ZMYM2: variants seen among roughly 807,000 people sequenced by gnomAD.
ZMYM2 encodes zinc finger MYM-type protein 2.
A neutral mutation model predicts 162.8 loss-of-function variants in ZMYM2; 56 were observed. The observed-to-expected ratio is 0.34, with a 90% confidence interval of 0.28 to 0.43. ZMYM2 has a LOEUF of 0.43. Among genes scored for constraint, ZMYM2 ranks in the 20% least tolerant of loss-of-function variants. The pLI, the probability that ZMYM2 is intolerant of heterozygous loss-of-function variation, is 1.00. For synonymous variants in ZMYM2, 510 were observed against 541.6 expected (o/e 0.94, Z 0.81); for missense variants, 1,275 against 1,621.8 (o/e 0.79, Z 3.67).
intron 2 of ZMYM2, among the ~76,000 whole-genome samples, chr13:19,972,541 G>A (rs1255988322): frequency 6.6e-6 from 1 of 151,724 alleles, no homozygotes; most frequent in Non-Finnish European, 1.5e-5. Flanking sequence ...TTTAACTGTC[G>A]TGAAGTATTT....
the ZMYM2 span, among the ~76,000 whole-genome samples, chr13:19,941,294 C>T: frequency 3.7e-4 from 53 of 143,110 alleles, no homozygotes; most frequent in East Asian, 6.1e-3. Flanking sequence ...GGTGACAGAG[C>T]GGAAAACAGA....
intron 7 of ZMYM2, among the ~76,000 whole-genome samples, chr13:20,023,980 GC>G (rs1417027660): frequency 4.6e-5 from 7 of 151,356 alleles, no homozygotes; most frequent in Admixed American, 4.6e-4. Context: ...TGTTGCCCAG[GC>G]TGGAGTGTAG....
the ZMYM2 span, among the ~76,000 whole-genome samples, chr13:19,933,926 C>T: frequency 2.6e-5 from 4 of 152,164 alleles, no homozygotes; most frequent in African/African-American, 9.7e-5. Flanking sequence ...ATCACAGTAT[C>T]CACTATACTG....
chr13:20,046,855 A>T (rs1489003028), intron 12 of ZMYM2, among the ~76,000 whole-genome samples: 1 of 151,914 alleles, frequency 6.6e-6, no homozygotes, highest in African/African-American at 2.4e-5. Flanking sequence ...GTTTTCATTT[A>T]TGCAGAATTC....
intron 4 of ZMYM2, among the ~76,000 whole-genome samples, chr13:20,004,263 GT>G (rs548813563): frequency 6.6e-6 from 1 of 150,776 alleles, no homozygotes; most frequent in Non-Finnish European, 1.5e-5. Flanking sequence ...GTTTTGTTTT[GT>G]TTTTTTTTGA....
intron 3 of ZMYM2, among the ~76,000 whole-genome samples, chr13:20,002,055 A>G (rs906922965): frequency 3.9e-5 from 6 of 152,154 alleles, no homozygotes; most frequent in African/African-American, 1.4e-4. Flanking sequence ...ACATTGGTTT[A>G]ATTCCATCAT....
At chr13:19,876,217 A>C in the ZMYM2 span, among the ~76,000 whole-genome samples, 1 of 151,832 alleles carries the variant, frequency 6.6e-6, no homozygotes, top group African/African-American at 2.4e-5. Flanking sequence ...AGTGGAGACG[A>C]GGTTTCACCA....
chr13:20,037,599 T>C (rs965305095), intron 12 of ZMYM2, among the ~76,000 whole-genome samples: 5 of 152,212 alleles, frequency 3.3e-5, no homozygotes, highest in African/African-American at 9.7e-5. Flanking sequence ...TTTAAAAACA[T>C]CTTGCTCTTT....
intron 12 of ZMYM2, among the ~76,000 whole-genome samples, chr13:20,040,488 A>C (rs762232236): frequency 6.6e-6 from 1 of 150,970 alleles, no homozygotes; most frequent in South Asian, 2.1e-4. Flanking sequence ...TCTTTTCTTT[A>C]TTAGTCTAGC....
At chr13:20,051,212 C>T (rs796205676) in intron 12 of ZMYM2, among the ~76,000 whole-genome samples, 6 of 147,020 alleles carry the variant, frequency 4.1e-5, no homozygotes, top group African/African-American at 1.5e-4. Context: ...TGGTCTTTGA[C>T]TTCTGGTAAG....
chr13:20,064,175 A>G (rs1956494184), intron 18 of ZMYM2, among the ~76,000 whole-genome samples: 1 of 151,934 alleles, frequency 6.6e-6, no homozygotes, highest in Non-Finnish European at 1.5e-5. Context: ...AGATCTTGTA[A>G]TTGGATTTCA....
chr13:20,071,322 G>A (rs115512533), intron 21 of ZMYM2, among the ~76,000 whole-genome samples: 155 of 152,310 alleles, frequency 1.0e-3, no homozygotes, highest in African/African-American at 3.5e-3. Context: ...GGTTCTTGGC[G>A]TTTTGAACAA....
At chr13:19,927,352 TA>T in the ZMYM2 span, among the ~76,000 whole-genome samples, 1 of 152,216 alleles carries the variant, frequency 6.6e-6, no homozygotes, top group Non-Finnish European at 1.5e-5. Context: ...AAATATACTT[TA>T]ATCACAGAGA....
chr13:19,880,326 A>C, the ZMYM2 span, among the ~76,000 whole-genome samples: 8 of 152,116 alleles, frequency 5.3e-5, no homozygotes, highest in South Asian at 2.1e-4. Context: ...TTCGTGTTTT[A>C]TTTCTTTCAG....
intron 2 of ZMYM2, among the ~76,000 whole-genome samples, chr13:19,961,917 TC>T (rs1566157660): frequency 6.6e-6 from 1 of 152,232 alleles, no homozygotes; most frequent in Non-Finnish European, 1.5e-5. Flanking sequence ...TGCTTTTAGA[TC>T]CATTTACAAA....
chr13:20,066,566 T>C (rs982721700), intron 19 of ZMYM2: 1 of 276,442 alleles, frequency 3.6e-6, no homozygotes, highest in Admixed American at 5.2e-5. Context: ...TACGATTCAT[T>C]AGGTGGAAAT....
intron 14 of ZMYM2, 98 bp downstream of exon 14, chr13:20,052,409 TG>T: frequency 1.1e-5 from 14 of 1,251,782 alleles, no homozygotes; most frequent in South Asian, 1.6e-5. Context: ...GTAATTTTTT[TG>T]GTTTTTTTTT....
chr13:20,011,115 T>G (rs73154114), intron 6 of ZMYM2, among the ~76,000 whole-genome samples: 8,581 of 152,246 alleles, frequency 0.056, 273 homozygotes, highest in South Asian at 0.091. Context: ...GCCTTTTGAA[T>G]CTATCCAATA....
At chr13:19,935,168 T>A in the ZMYM2 span, among the ~76,000 whole-genome samples, 1 of 152,160 alleles carries the variant, frequency 6.6e-6, no homozygotes, top group Non-Finnish European at 1.5e-5. Flanking sequence ...AGAGTTCCAC[T>A]CTGTAGCCCA....
Sources: gnomAD v4.1 joint callset for allele counts (sites outside exome capture counted in the v4.1 genomes callset) on GRCh38, gnomAD v4.1.1 for gene constraint, MANE v1.5 for transcripts, NCBI Gene and HGNC (gene_info 2026-07-23, HGNC 2026-07-21) for gene names.